The following KANSL1L variants were observed in gnomAD, a reference collection of about 807,000 sequenced individuals.
The protein encoded by KANSL1L is KAT8 regulatory NSL complex subunit 1 like, also known as KAT8 regulatory NSL complex subunit 1-like protein.
A neutral mutation model predicts 108.6 loss-of-function variants in KANSL1L; 25 were observed. The ratio of observed to expected loss-of-function variants is 0.23; its 90% confidence interval spans 0.17 to 0.32. The LOEUF is 0.32. KANSL1L is among the 10% of genes least tolerant of loss of function. KANSL1L has a pLI of 1.00. For missense variants in KANSL1L, 1,137 were observed against 1,125.7 expected, an observed-to-expected ratio of 1.01 and a Z score of -0.14; for synonymous variants, 405 against 395.1, an observed-to-expected ratio of 1.03 and a Z score of -0.30.
intron 3 of KANSL1L, among the ~76,000 whole-genome samples, chr2:210,113,396 G>A (rs966092652): frequency 2.6e-5 from 4 of 151,724 alleles, no homozygotes; most frequent in Non-Finnish European, 4.4e-5. Flanking sequence ...TTGCCACACC[G>A]ACAACCTACA....
chr2:210,139,532 G>A (rs1286382710), intron 2 of KANSL1L, among the ~76,000 whole-genome samples: 9 of 152,106 alleles, frequency 5.9e-5, no homozygotes, highest in Admixed American at 5.9e-4. Context: ...CAGTGTACAA[G>A]AGTTTCCTTT....
intron 5 of KANSL1L, chr2:210,088,708 T>C (rs2094662983): frequency 6.6e-6 from 1 of 152,444 alleles, no homozygotes; most frequent in Non-Finnish European, 1.5e-5. Flanking sequence ...AGGTGGGCAT[T>C]GGCTTGTTAC....
At chr2:210,108,387 T>C (rs1248076269) in intron 3 of KANSL1L, among the ~76,000 whole-genome samples, 1 of 152,154 alleles carries the variant, frequency 6.6e-6, no homozygotes, top group Non-Finnish European at 1.5e-5. Flanking sequence ...CTTAAAACAA[T>C]TTATTCCAGT....
chr2:210,093,907 C>T (rs2094713694), intron 5 of KANSL1L, among the ~76,000 whole-genome samples: 1 of 152,126 alleles, frequency 6.6e-6, no homozygotes, highest in African/African-American at 2.4e-5. Flanking sequence ...TTTTAACACA[C>T]AGGCTATAAT....
At chr2:210,139,480 CCTTA>C (rs1057019486) in intron 2 of KANSL1L, among the ~76,000 whole-genome samples, 1 of 152,182 alleles carries the variant, frequency 6.6e-6, no homozygotes, top group Admixed American at 6.5e-5. Flanking sequence ...AGAGAAACCT[CCTTA>C]CTATTTTCTG....
At chr2:210,158,175 T>C (rs752575764) in intron 1 of KANSL1L, among the ~76,000 whole-genome samples, 3 of 152,158 alleles carry the variant, frequency 2.0e-5, no homozygotes, top group Non-Finnish European at 2.9e-5. Flanking sequence ...TCACTTTTAA[T>C]GAAAATGTAG....
At chr2:210,112,173 G>A (rs2094912754) in intron 3 of KANSL1L, among the ~76,000 whole-genome samples, 1 of 152,108 alleles carries the variant, frequency 6.6e-6, no homozygotes, top group Non-Finnish European at 1.5e-5. Context: ...TTGCTATTGT[G>A]AATAGTGCCG....
At chr2:210,157,869 C>T (rs1030650383) in intron 1 of KANSL1L, among the ~76,000 whole-genome samples, 1 of 150,688 alleles carries the variant, frequency 6.6e-6, no homozygotes, top group Non-Finnish European at 1.5e-5. Flanking sequence ...AGTGCCATTG[C>T]ACTCCAGCTT....
chr2:210,109,126 C>T (rs2094880091), intron 3 of KANSL1L, among the ~76,000 whole-genome samples: 1 of 152,160 alleles, frequency 6.6e-6, no homozygotes, highest in South Asian at 2.1e-4. Context: ...GACCCTCTGA[C>T]CCATAAGTAT....
At chr2:210,081,889 T>G (rs2094592912) in intron 5 of KANSL1L, among the ~76,000 whole-genome samples, 2 of 152,248 alleles carry the variant, frequency 1.3e-5, no homozygotes, top group African/African-American at 2.4e-5. Context: ...ATATTTCCAC[T>G]GCCTTGAAGT....
chr2:210,033,735 T>C (rs904157463), intron 8 of KANSL1L, among the ~76,000 whole-genome samples: 2 of 148,020 alleles, frequency 1.4e-5, no homozygotes, highest in African/African-American at 4.9e-5. Flanking sequence ...AGACGGGGTT[T>C]CACCGTGTTA....
At chr2:210,046,662 A>G (rs529609311) in intron 6 of KANSL1L, among the ~76,000 whole-genome samples, 3 of 152,150 alleles carry the variant, frequency 2.0e-5, no homozygotes, top group Non-Finnish European at 2.9e-5. Context: ...CTCCACAGCT[A>G]TTGGCTGCAG....
intron 5 of KANSL1L, chr2:210,097,411 T>C: frequency 1.5e-6 from 1 of 660,986 alleles, no homozygotes; most frequent in Non-Finnish European, 1.9e-6. Context: ...ATTCCAATTT[T>C]ATCTGAAAAA....
At chr2:210,156,565 T>C (rs893673516) in intron 1 of KANSL1L, among the ~76,000 whole-genome samples, 12 of 152,068 alleles carry the variant, frequency 7.9e-5, no homozygotes, top group Admixed American at 6.5e-4. Context: ...CTGTAAAATA[T>C]ATATATAGTA....
intron 2 of KANSL1L, among the ~76,000 whole-genome samples, chr2:210,139,881 G>T: frequency 7.6e-6 from 1 of 131,798 alleles, no homozygotes; most frequent in African/African-American, 2.9e-5. Context: ...GGCTGGAACT[G>T]CAGGTGCACA....
At position 210,153,875 on chromosome 2, in the gene KANSL1L, G is replaced by A; in HGVS notation, c.708C>T (p.Ser236=). The part of the protein sequence containing the change: ...HCVSKQKILL[S]QARRTQKHLQ... ...AATGTTTCTGAGTTCTTCTAGCCTGGCTAAGTAAAATTTTCTGTTTGCTTA... is the reference window on the plus strand; with the variant it reads ...AATGTTTCTGAGTTCTTCTAGCCTGACTAAGTAAAATTTTCTGTTTGCTTA... Residue 236 remains serine, a synonymous_variant, in exon 2 of 15, where the codon AGC becomes AGT. Coordinates refer to ENST00000281772, the MANE Select transcript of KANSL1L (RefSeq NM_152519.4). 6.2e-7 allele frequency: 1 copy of A among 1,612,742 alleles called. No individual in the cohort carries two copies. The highest frequency in any genetic ancestry group is 8.5e-7 in the Non-Finnish European group (1 of 1,179,702).
At chr2:210,063,002 A>AT (rs1363521790) in intron 6 of KANSL1L, among the ~76,000 whole-genome samples, 2 of 152,196 alleles carry the variant, frequency 1.3e-5, no homozygotes, top group African/African-American at 4.8e-5. Context: ...AGCCCCTCCC[A>AT]TCACAGGCCC....
intron 5 of KANSL1L, chr2:210,079,670 G>GTA (rs1321349561): frequency 0.6 from 9,605 of 16,096 alleles, 2,419 homozygotes; most frequent in East Asian, 0.65. Flanking sequence ...ATATATGTAT[G>GTA]TGTGTATATA....
intron 5 of KANSL1L, among the ~76,000 whole-genome samples, chr2:210,082,898 C>T (rs1469782173): frequency 6.6e-6 from 1 of 152,118 alleles, no homozygotes; most frequent in African/African-American, 2.4e-5. Flanking sequence ...ACACAAATGC[C>T]CACACCCACT....
Sources: allele counts gnomAD v4.1 joint callset (sites outside exome capture counted in the v4.1 genomes callset), GRCh38; gene constraint gnomAD v4.1.1; transcripts MANE v1.5; gene names NCBI Gene and HGNC (gene_info 2026-07-23, HGNC 2026-07-21).